The following SLC4A5 variants were observed in gnomAD, a reference collection of about 807,000 sequenced individuals.
The protein encoded by SLC4A5 is solute carrier family 4 member 5, also known as electrogenic sodium bicarbonate cotransporter 4.
A neutral mutation model predicts 120.4 loss-of-function variants in SLC4A5; 96 were observed. The ratio of observed to expected loss-of-function variants is 0.80; its 90% CI spans 0.68 to 0.94. SLC4A5 has a LOEUF of 0.94. Among genes scored for constraint, SLC4A5 ranks in the 40% least tolerant of loss-of-function variants. The pLI is 0.00. For synonymous variants in SLC4A5, 550 were observed against 571.1 expected (o/e 0.96, Z 0.53); for missense variants, 1,259 against 1,459.5 (o/e 0.86, Z 2.24).
intron 6 of SLC4A5, among the ~76,000 whole-genome samples, chr2:74,308,924 T>C (rs1672728684): frequency 6.6e-6 from 1 of 151,972 alleles, no homozygotes; most frequent in Admixed American, 6.6e-5. Flanking sequence ...CTGAATTTTT[T>C]TTTTTTTTGA....
At chr2:74,257,497 G>A (rs546749947) in intron 12 of SLC4A5, among the ~76,000 whole-genome samples, 1 of 152,266 alleles carries the variant, frequency 6.6e-6, no homozygotes, top group South Asian at 2.1e-4. Flanking sequence ...GGAGATACGG[G>A]CTGGGCAGGA....
chr2:74,246,976 AG>A (rs1475471384), intron 19 of SLC4A5, 59 bp downstream of exon 19: 1 of 1,583,874 alleles, frequency 6.3e-7, no homozygotes, highest in Admixed American at 1.7e-5. Context: ...GCTGTGGTGA[AG>A]GATCAGGGGG....
chr2:74,242,026 C>T, exon 20 of SLC4A5: 1 of 1,607,200 alleles, frequency 6.2e-7, no homozygotes, highest in Non-Finnish European at 8.5e-7. Context: ...GCCAATGGGG[C>T]TGAAGCATTG....
chr2:74,268,336 C>T (rs1028993652), intron 8 of SLC4A5, among the ~76,000 whole-genome samples: 8 of 152,214 alleles, frequency 5.3e-5, no homozygotes, highest in African/African-American at 9.6e-5. Context: ...TAGATCTCCT[C>T]GTGCATGCAT....
intron 8 of SLC4A5, among the ~76,000 whole-genome samples, chr2:74,279,849 C>T (rs564832818): frequency 7.9e-5 from 12 of 152,300 alleles, no homozygotes; most frequent in African/African-American, 2.9e-4. Context: ...TATCTGTCCC[C>T]ACGTGCCATC....
chr2:74,290,707 G>A, intron 7 of SLC4A5: 5 of 985,380 alleles, frequency 5.1e-6, no homozygotes, highest in Non-Finnish European at 6.0e-6. Flanking sequence ...AGGTGCACTA[G>A]AGAGAGAAAG....
At chr2:74,243,585 C>T (rs1047689039) in intron 19 of SLC4A5, among the ~76,000 whole-genome samples, 27 of 152,164 alleles carry the variant, frequency 1.8e-4, no homozygotes, top group African/African-American at 5.8e-4. Flanking sequence ...ACAGAGAAGC[C>T]GGGCAGGAAG....
At chr2:74,319,897 C>G (rs1331210209) in intron 5 of SLC4A5, among the ~76,000 whole-genome samples, 1 of 152,138 alleles carries the variant, frequency 6.6e-6, no homozygotes, top group Non-Finnish European at 1.5e-5. Flanking sequence ...AGACAGCTCT[C>G]AAGACCAAAT....
rs571418390 is a variant in SLC4A5, at chr2:74,284,337, C to T, written c.401+1436G>A. ...GACTACAGGCGCCCGCCACCGCGCC[C>T]GGCTAATTTTTTTTTTGTATTTTTA... On this transcript the variant is annotated intron_variant, in intron 8 of 30. Transcript: ENST00000394019. 4.3e-5 allele frequency among the ~76,000 whole-genome samples: 5 copies of T among 115,810 alleles called. 1 individual carries two copies. Among genetic ancestry groups the T allele is most frequent in the African/African-American group, 1.0e-4 (2 of 19,348 alleles). The allele number at this position is 115,810 out of a possible 152,430, so 76.0% of individuals were successfully genotyped here. A position where few individuals can be genotyped will look rare whatever the true frequency, so the allele number is the denominator to read the frequency against.
intron 5 of SLC4A5, among the ~76,000 whole-genome samples, chr2:74,325,833 A>AAAGAAGG (rs528764713): frequency 1.9e-3 from 288 of 148,912 alleles, no homozygotes; most frequent in African/African-American, 6.8e-3. Context: ...AAACCTAAGG[A>AAAGAAGG]AAGAAGGAAG....
chr2:74,217,098 G>T (rs1036683462), exon 31 of SLC4A5: 5 of 152,190 alleles, frequency 3.3e-5, no homozygotes, highest in Non-Finnish European at 5.9e-5. Context: ...GGGAATTACA[G>T]AGGCAATTAC....
At chr2:74,243,226 T>A (rs2103957693) in intron 19 of SLC4A5, among the ~76,000 whole-genome samples, 1 of 152,278 alleles carries the variant, frequency 6.6e-6, no homozygotes, top group South Asian at 2.1e-4. Flanking sequence ...GTCTCTCCTT[T>A]CCATGTGGAC....
At chr2:74,333,660 C>T (rs954535072) in intron 4 of SLC4A5, among the ~76,000 whole-genome samples, 6 of 152,134 alleles carry the variant, frequency 3.9e-5, no homozygotes, top group African/African-American at 7.2e-5. Context: ...ATGATATCTA[C>T]GGGTGGTCCT....
intron 30 of SLC4A5, among the ~76,000 whole-genome samples, chr2:74,220,582 T>C (rs1463852836): frequency 2.0e-5 from 3 of 152,116 alleles, no homozygotes; most frequent in East Asian, 1.9e-4. Context: ...AGTGGCGTGA[T>C]CTCGGCTCAC....
At chr2:74,292,005 G>C (rs1278921310) in intron 7 of SLC4A5, among the ~76,000 whole-genome samples, 26 of 152,124 alleles carry the variant, frequency 1.7e-4, no homozygotes, top group Admixed American at 1.7e-3. Context: ...TAAGAGCCCA[G>C]ACCTGGGCTC....
chr2:74,224,973 C>T (rs753596923), exon 28 of SLC4A5: 13 of 1,614,066 alleles, frequency 8.1e-6, no homozygotes, highest in Admixed American at 3.3e-5. Flanking sequence ...CAGAAGCCTT[C>T]GAACGATGAT....
chr2:74,303,754 T>C (rs1672547003), intron 7 of SLC4A5, among the ~76,000 whole-genome samples: 1 of 152,240 alleles, frequency 6.6e-6, no homozygotes, highest in African/African-American at 2.4e-5. Flanking sequence ...ACCAGGTCTT[T>C]CAGCTCCAGT....
Position 74,232,208 on chromosome 2 carries a change from G to A in SLC4A5, c.2774+261C>T, listed in dbSNP as rs140333626. Among the ~76,000 whole-genome samples, 415 of 152,258 alleles carry A rather than the reference G, an allele frequency of 2.7e-3. 4 individuals are homozygous for A. The highest frequency in any genetic ancestry group is 9.5e-3 in the African/African-American group (394 of 41,532). Reference sequence around the variant, plus strand: ...GGGACCTTGGGTGGCTGATGAAGATGAGTGTCTGGCACGTGTGCATATTTA... The same window carrying A: ...GGGACCTTGGGTGGCTGATGAAGATAAGTGTCTGGCACGTGTGCATATTTA... On this transcript the variant is annotated intron_variant, in intron 24 of 30. Transcript: ENST00000394019.
intron 23 of SLC4A5, 126 bp downstream of exon 23, chr2:74,233,276 A>C: frequency 9.0e-7 from 1 of 1,108,938 alleles, no homozygotes; most frequent in Non-Finnish European, 1.3e-6. Flanking sequence ...CCAAGTGGGA[A>C]CTCTAGTCTC....
Sources: allele counts gnomAD v4.1 joint callset (sites outside exome capture counted in the v4.1 genomes callset), GRCh38; gene constraint gnomAD v4.1.1; transcripts MANE v1.5; gene names NCBI Gene and HGNC (gene_info 2026-07-23, HGNC 2026-07-21).